Variants in LRRC8A observed in about 807,000 individuals in gnomAD.
The protein encoded by LRRC8A is volume-regulated anion channel subunit LRRC8A.
LRRC8A carries 24 observed loss-of-function variants against 52.5 expected under a neutral mutation model. That is an observed-to-expected ratio of 0.46 (90% CI 0.33 to 0.64). The LOEUF (loss-of-function observed/expected upper bound fraction) is 0.64. Among genes scored for constraint, LRRC8A ranks in the 30% least tolerant of loss-of-function variants. The pLI, the probability that LRRC8A is intolerant of heterozygous loss-of-function variation, is 0.02. For missense variants in LRRC8A, 677 were observed against 1,094.7 expected (o/e 0.62, Z 5.38); for synonymous variants, 492 against 494.2 (o/e 1.00, Z 0.06).
At chr9:128,913,767 C>T (rs926326184) in intron 3 of LRRC8A, among the ~76,000 whole-genome samples, 2 of 152,186 alleles carry the variant, frequency 1.3e-5, no homozygotes, top group Non-Finnish European at 2.9e-5. Flanking sequence ...GCTCTGGCCC[C>T]TGGGTGCTCC....
intron 3 of LRRC8A, 54 bp downstream of exon 3, chr9:128,909,375 G>T: frequency 6.5e-7 from 1 of 1,546,066 alleles, no homozygotes. Flanking sequence ...CCTGGCCAGG[G>T]CTTGTGGTGG....
At chr9:128,894,089 C>T (rs1839727271) in intron 2 of LRRC8A, among the ~76,000 whole-genome samples, 1 of 152,170 alleles carries the variant, frequency 6.6e-6, no homozygotes, top group East Asian at 2.0e-4. Flanking sequence ...CCATGTTGGC[C>T]AGGCTGGTCT....
At position 128,908,097 on chromosome 9, in the gene LRRC8A, C is replaced by T. The variant is rs1840331053; in HGVS notation, c.933C>T (p.Ala311=). The T allele has an allele frequency of 3.1e-6, 5 of 1,613,788 alleles. No individual in the cohort carries two copies. Among genetic ancestry groups the T allele is most frequent in the South Asian group, 2.2e-5 (2 of 91,072 alleles). The change falls in exon 3 of 4, where the codon GCC becomes GCT. Residue 311 remains alanine, a synonymous_variant. Coordinates refer to ENST00000372600, the MANE Select transcript of LRRC8A (RefSeq NM_019594.4). The stretch of plus-strand genomic sequence containing the variant: ...CGGGCTACCGCACCTACCGCTGTGC[C>T]CACCCCCTGGCCACACTCTTCAAGA... The part of the protein sequence containing the change: ...SLTGYRTYRC[A]HPLATLFKIL...
In LRRC8A at chr9:128,916,112, C is replaced by T. The variant is rs775809202; in HGVS notation, c.2174C>T (p.Pro725Leu). 1.9e-5 allele frequency: 30 copies of T among 1,610,528 alleles called. No individual in the cohort carries two copies. The highest frequency in any genetic ancestry group is 1.6e-4 in the Middle Eastern group (1 of 6,072). ...TCCCTCCAGATCGAGACGCTCCCTC[C>T]GGAGCTCTTCCAGTGCCGGAAGCTG... ...ITANRIETLP[P>L]ELFQCRKLRA... The change falls in exon 4 of 4, where the codon CCG (proline) becomes CTG (leucine). Residue 725 changes from proline (P) to leucine (L), a missense_variant. Around this residue, in one of 4 missense-constraint regions of LRRC8A, gnomAD observed 169 missense variants for 217.6 expected, o/e 0.78. Coordinates refer to ENST00000372600, the MANE Select transcript of LRRC8A (RefSeq NM_019594.4). The surrounding 1 kb of genome is among the most constrained non-coding windows in gnomAD (Gnocchi z 6.1).
chr9:128,901,468 A>T (rs1183769760), intron 2 of LRRC8A, among the ~76,000 whole-genome samples: 1 of 152,080 alleles, frequency 6.6e-6, no homozygotes, highest in East Asian at 1.9e-4. Context: ...CTCAAAAAAA[A>T]AATTTTTTTT....
intron 2 of LRRC8A, among the ~76,000 whole-genome samples, chr9:128,891,505 G>T (rs1409104656): frequency 6.6e-6 from 1 of 152,228 alleles, no homozygotes; most frequent in South Asian, 2.1e-4. Context: ...AAGTTGCAGT[G>T]AGTCATGATC....
intron 3 of LRRC8A, among the ~76,000 whole-genome samples, chr9:128,914,198 TCCCCCG>T (rs574601065): frequency 1.7e-4 from 22 of 127,372 alleles, no homozygotes; most frequent in African/African-American, 5.7e-4. Context: ...TGAGACTCCG[TCCCCCG>T]CCCCCGCCCC....
intron 2 of LRRC8A, among the ~76,000 whole-genome samples, chr9:128,904,613 T>C (rs57593699): frequency 0.048 from 7,294 of 152,194 alleles, 476 homozygotes; most frequent in African/African-American, 0.15. Context: ...TTTGGGAGGC[T>C]AAGGCCAGAG....
chr9:128,916,150 C>G lies in LRRC8A; in HGVS notation c.2212C>G (p.Leu738Val). 1 of 1,613,234 alleles carries G rather than the reference C, an allele frequency of 6.2e-7. No individual in the cohort carries two copies. Among genetic ancestry groups the G allele is most frequent in the Non-Finnish European group, 8.5e-7 (1 of 1,179,730 alleles). The change falls in exon 4 of 4, where the codon CTG (leucine) becomes GTG (valine). Residue 738 changes from leucine to valine, a missense_variant. Around this residue, in one of 4 missense-constraint regions of LRRC8A, gnomAD observed 169 missense variants for 217.6 expected, o/e 0.78. Transcript: ENST00000372600. The surrounding 1 kb of genome is among the most constrained non-coding windows in gnomAD (Gnocchi z 6.1). ...GTGCCGGAAGCTGCGGGCCCTGCACCTGGGCAACAACGTGCTGCAGTCACT... is the reference window on the plus strand; with the variant it reads ...GTGCCGGAAGCTGCGGGCCCTGCACGTGGGCAACAACGTGCTGCAGTCACT... Reference protein sequence around the residue: ...FQCRKLRALHLGNNVLQSLPS... With the variant: ...FQCRKLRALHVGNNVLQSLPS...
chr9:128,909,732 G>A lies in LRRC8A; in HGVS notation c.2157+411G>A, dbSNP rs142176561. Among the ~76,000 whole-genome samples the A allele has an allele frequency of 5.1e-3, 772 of 152,320 alleles. 7 individuals carry two copies. Among genetic ancestry groups the A allele is most frequent in the African/African-American group, 0.015 (616 of 41,570 alleles). ...GGAGTCAAGACTTAGCCTGGAGTTTGTGTCTTCCTCAGCTTGTTCCCAGTC... is the reference window on the plus strand; with the variant it reads ...GGAGTCAAGACTTAGCCTGGAGTTTATGTCTTCCTCAGCTTGTTCCCAGTC... On this transcript the variant is annotated intron_variant, in intron 3 of 3. Coordinates refer to ENST00000372600, the MANE Select transcript of LRRC8A (RefSeq NM_019594.4).
rs184539027 is a variant in LRRC8A at position 128,897,303 on chromosome 9, C to G, written c.-8-9854C>G. On this transcript the variant is annotated intron_variant, in intron 2 of 3. Coordinates refer to ENST00000372600, the MANE Select transcript of LRRC8A (RefSeq NM_019594.4). ...TCTTGGCTCACTGTAGCCTCCACCT[C>G]CCTGGCTCAAGCAATTCTCCTGCCT... Among the ~76,000 whole-genome samples the G allele has an allele frequency of 3.4e-4, 51 of 152,200 alleles. No individual in the cohort carries two copies. In the East Asian group the frequency reaches 9.8e-3, roughly 29 times the overall value.
intron 2 of LRRC8A, among the ~76,000 whole-genome samples, chr9:128,886,921 A>G (rs1588195099): frequency 6.6e-6 from 1 of 152,128 alleles, no homozygotes; most frequent in Non-Finnish European, 1.5e-5. Flanking sequence ...AGAGTGAGGA[A>G]GCAGCTTGCC....
intron 2 of LRRC8A, among the ~76,000 whole-genome samples, chr9:128,889,473 A>G (rs1288334732): frequency 6.8e-6 from 1 of 147,452 alleles, no homozygotes; most frequent in Admixed American, 6.8e-5. Context: ...GGGACTGGAC[A>G]GGTTTTTTTT....
intron 3 of LRRC8A, chr9:128,912,889 G>C (rs1382260965): frequency 6.6e-6 from 1 of 152,354 alleles, no homozygotes. Flanking sequence ...AGTTGATGGT[G>C]GGGGTGGTCT....
At chr9:128,897,823 C>T (rs1017756589) in intron 2 of LRRC8A, among the ~76,000 whole-genome samples, 17 of 151,988 alleles carry the variant, frequency 1.1e-4, no homozygotes, top group Non-Finnish European at 2.1e-4. Context: ...GGATTACAGG[C>T]GTACACCTCC....
At chr9:128,887,861 T>A (rs1011045328) in intron 2 of LRRC8A, among the ~76,000 whole-genome samples, 3 of 151,808 alleles carry the variant, frequency 2.0e-5, no homozygotes, top group Non-Finnish European at 4.4e-5. Context: ...GCCAGGATGG[T>A]CTTGATCTCC....
Position 128,907,497 on chromosome 9 carries a change from T to C in LRRC8A, c.333T>C (p.Ala111=), listed in dbSNP as rs16930747. 18,822 of 1,614,064 alleles carry C rather than the reference T, an allele frequency of 0.012. 552 individuals are homozygous for C. Among genetic ancestry groups the C allele is most frequent in the African/African-American group, 0.084 (6,322 of 75,016 alleles). ...LDRHQYNYVD[A]VCYENRLHWF... ...GGCACCAGTACAACTACGTGGACGC[T>C]GTGTGCTATGAGAACCGACTGCACT... Residue 111 remains alanine, a synonymous_variant, in exon 3 of 4, where the codon GCT becomes GCC. Coordinates refer to ENST00000372600, the MANE Select transcript of LRRC8A (RefSeq NM_019594.4). This position sits in a 1 kb window ranked among gnomAD's most constrained non-coding sequence, Gnocchi z 9.3.
In LRRC8A at chr9:128,911,572, C is replaced by G. The variant is rs555966638; in HGVS notation, c.2157+2251C>G. Reference sequence around the variant, plus strand: ...AGCTCCTGCCATTCCTGCCCTGTCCCGGGTGCTGTGCTGGGGCTGTCCTCC... The same window carrying G: ...AGCTCCTGCCATTCCTGCCCTGTCCGGGGTGCTGTGCTGGGGCTGTCCTCC... On this transcript the variant is annotated intron_variant, in intron 3 of 3. Transcript: ENST00000372600. The surrounding 1 kb of genome is among the most constrained non-coding windows in gnomAD (Gnocchi z 4.9). 6.6e-6 allele frequency among the ~76,000 whole-genome samples: 1 copy of G among 152,160 alleles called. No homozygotes were observed. Among genetic ancestry groups the G allele is most frequent in the Non-Finnish European group, 1.5e-5 (1 of 68,022 alleles).
chr9:128,903,606 A>G lies in LRRC8A; in HGVS notation c.-8-3551A>G, dbSNP rs1178005011. Among the ~76,000 whole-genome samples the G allele has an allele frequency of 6.6e-5, 10 of 151,546 alleles. No individual in the cohort carries two copies. The East Asian group carries it at 9.9e-4, about 15-fold the overall frequency. Reference sequence around the variant, plus strand: ...TTTTTTGTATTTTTAGTAGAGACGGAGTTTCACCTTGTTAGCCAGGATGGT... The same window carrying G: ...TTTTTTGTATTTTTAGTAGAGACGGGGTTTCACCTTGTTAGCCAGGATGGT... On this transcript the variant is annotated intron_variant, in intron 2 of 3. Coordinates refer to ENST00000372600, the MANE Select transcript of LRRC8A (RefSeq NM_019594.4).
Sources: gnomAD v4.1 joint callset for allele counts (sites outside exome capture counted in the v4.1 genomes callset) on GRCh38, gnomAD v4.1.1 for gene constraint, gnomAD v4.1.1 regional missense constraint, Gnocchi (gnomAD v3.1) non-coding constraint, MANE v1.5 for transcripts, NCBI Gene and HGNC (gene_info 2026-07-23, HGNC 2026-07-21) for gene names.